The following MTMR6 variants were observed in gnomAD, a reference collection of about 807,000 sequenced individuals.
MTMR6 encodes the protein phosphatidylinositol-3,5-bisphosphate 3-phosphatase MTMR6.
Under a neutral mutation model 80.1 loss-of-function variants are expected in MTMR6, and 47 were observed. The observed-to-expected ratio is 0.59, with a 90% CI of 0.46 to 0.75. MTMR6 has a LOEUF of 0.75. Among genes scored for constraint, MTMR6 ranks in the 30% least tolerant of loss-of-function variants. The probability of loss-of-function intolerance (pLI) is 0.00; values close to 1 mark genes in which losing one functional copy is unlikely to be tolerated. For missense variants in MTMR6, 629 were observed against 730.9 expected (o/e 0.86, Z 1.61); for synonymous variants, 254 against 253.0 (o/e 1.00, Z -0.04).
intron 13 of MTMR6, among the ~76,000 whole-genome samples, chr13:25,250,108 G>A (rs1313828899): frequency 6.6e-6 from 1 of 152,088 alleles, no homozygotes; most frequent in Non-Finnish European, 1.5e-5. Context: ...TACTCAAGCA[G>A]TCATTACCTC....
intron 5 of MTMR6, among the ~76,000 whole-genome samples, chr13:25,264,965 TA>T (rs949477135): frequency 1.4e-4 from 21 of 152,014 alleles, no homozygotes; most frequent in African/African-American, 5.1e-4. Flanking sequence ...TAGTAAAGCC[TA>T]CCTTACAAAG....
chr13:25,277,929 CA>C (rs1388065796), intron 1 of MTMR6, among the ~76,000 whole-genome samples: 2 of 152,146 alleles, frequency 1.3e-5, no homozygotes, highest in Admixed American at 6.5e-5. Flanking sequence ...GTTTTATATG[CA>C]AAATAATCTG....
chr13:25,277,865 T>C (rs902905863), intron 1 of MTMR6, among the ~76,000 whole-genome samples: 2 of 152,154 alleles, frequency 1.3e-5, no homozygotes, highest in African/African-American at 4.8e-5. Flanking sequence ...GGTGGGAAAT[T>C]TGTGGTGAAA....
At chr13:25,277,772 C>A (rs139538164) in intron 1 of MTMR6, among the ~76,000 whole-genome samples, 22 of 152,230 alleles carry the variant, frequency 1.4e-4, no homozygotes, top group African/African-American at 5.3e-4. Context: ...ACTTTCAATC[C>A]TCTATCCCCA....
chr13:25,276,413 G>A lies in MTMR6; in HGVS notation c.25-2226C>T, dbSNP rs149614608. 2.4e-4 allele frequency among the ~76,000 whole-genome samples: 37 copies of A among 152,306 alleles called. No homozygotes were observed. In the East Asian group the frequency reaches 5.4e-3, roughly 22 times the overall value. ...CTGGCAAGTAGTTTAAAAGTGGGGAGGGGCTGATTTTATTACTATTTAAAT... is the reference window on the plus strand; with the variant it reads ...CTGGCAAGTAGTTTAAAAGTGGGGAAGGGCTGATTTTATTACTATTTAAAT... On this transcript the variant is annotated intron_variant, in intron 1 of 13. Coordinates refer to ENST00000381801, the MANE Select transcript of MTMR6 (RefSeq NM_004685.5).
intron 3 of MTMR6, 44 bp from the exon 4 acceptor site, chr13:25,266,330 CTT>C: frequency 6.8e-7 from 1 of 1,461,102 alleles, no homozygotes; most frequent in Non-Finnish European, 9.4e-7. Flanking sequence ...ATTTATAAGA[CTT>C]ATACACTACA....
At chr13:25,272,327 A>T (rs1957597049) in intron 2 of MTMR6, among the ~76,000 whole-genome samples, 1 of 152,240 alleles carries the variant, frequency 6.6e-6, no homozygotes, top group Admixed American at 6.5e-5. Context: ...ACTTCAACTG[A>T]AAGACATATA....
intron 2 of MTMR6, among the ~76,000 whole-genome samples, chr13:25,270,228 A>C (rs984862291): frequency 1.4e-4 from 22 of 152,186 alleles, no homozygotes; most frequent in African/African-American, 5.1e-4. Context: ...AATGATGAAG[A>C]AACCTGGTCC....
chr13:25,276,651 T>G (rs1160036747), intron 1 of MTMR6, among the ~76,000 whole-genome samples: 1 of 152,206 alleles, frequency 6.6e-6, no homozygotes, highest in African/African-American at 2.4e-5. Flanking sequence ...CTGTTCACTA[T>G]TACTCTTCCT....
chr13:25,283,367 A>G (rs1957899748), intron 1 of MTMR6, among the ~76,000 whole-genome samples: 1 of 152,216 alleles, frequency 6.6e-6, no homozygotes, highest in Admixed American at 6.5e-5. Context: ...GTATTAGTGA[A>G]AATCAAAACA....
rs772413591 is a variant in MTMR6, at chr13:25,251,917, G to A, written c.1414C>T (p.Leu472Phe). 6 of 1,609,586 alleles carry A rather than the reference G, an allele frequency of 3.7e-6. No individual in the cohort carries two copies. Among genetic ancestry groups the A allele is most frequent in the African/African-American group, 1.3e-5 (1 of 74,682 alleles). Residue 472 changes from leucine to phenylalanine, a missense_variant, in exon 12 of 14, where the codon CTC (leucine) becomes TTC (phenylalanine). Physicochemically the swap from Leu to Phe is conservative, Grantham distance 22. Coordinates refer to ENST00000381801, the MANE Select transcript of MTMR6 (RefSeq NM_004685.5). The surrounding 1 kb of genome is among the most constrained non-coding windows in gnomAD (Gnocchi z 4.1). ...LEDQKKYLNP[L>F]YSSESHRFTV... ...AATCTGTGAGATTCGGAACTGTAGA[G>A]AGGATTTAAGTACTTCTTTTGGTCT...
chr13:25,250,676 T>C (rs1469169152), intron 13 of MTMR6, among the ~76,000 whole-genome samples: 1 of 152,232 alleles, frequency 6.6e-6, no homozygotes, highest in Non-Finnish European at 1.5e-5. Flanking sequence ...TAAAGTTATA[T>C]AGTAGTTACT....
intron 1 of MTMR6, among the ~76,000 whole-genome samples, chr13:25,285,220 A>G (rs1186376781): frequency 6.6e-6 from 1 of 152,222 alleles, no homozygotes; most frequent in East Asian, 1.9e-4. Context: ...AACTCTACAA[A>G]TAAAAACAAA....
chr13:25,252,082 G>T (rs1593141091), intron 11 of MTMR6, 98 bp from the exon 12 acceptor site: 1 of 1,370,216 alleles, frequency 7.3e-7, no homozygotes. Context: ...TTCCGAAGCA[G>T]ATTTAAATTT....
chr13:25,251,376 G>C lies in MTMR6; in HGVS notation c.1605+273C>G, dbSNP rs916332682. On this transcript the variant is annotated intron_variant, in intron 13 of 13. Transcript: ENST00000381801. This position sits in a 1 kb window ranked among gnomAD's most constrained non-coding sequence, Gnocchi z 4.1. ...AAGATCTGAGGCATATATAGTAAAT[G>C]TTAAAATCCCACAAAAGCTAGCTGG... Among the ~76,000 whole-genome samples, 1 of 152,104 alleles carries C rather than the reference G, an allele frequency of 6.6e-6. No individual in the cohort carries two copies. Among genetic ancestry groups the C allele is most frequent in the Non-Finnish European group, 1.5e-5 (1 of 68,012 alleles).
intron 2 of MTMR6, among the ~76,000 whole-genome samples, chr13:25,270,147 T>C (rs1348984051): frequency 6.6e-6 from 1 of 152,180 alleles, no homozygotes; most frequent in African/African-American, 2.4e-5. Context: ...ATTTTTGGAT[T>C]GGGGATATTC....
intron 1 of MTMR6, among the ~76,000 whole-genome samples, chr13:25,283,791 G>T (rs573205528): frequency 6.6e-6 from 1 of 152,302 alleles, no homozygotes; most frequent in South Asian, 2.1e-4. Flanking sequence ...CAAAGTACTG[G>T]CAGGGAAAGG....
intron 1 of MTMR6, among the ~76,000 whole-genome samples, chr13:25,284,489 T>C (rs1472870189): frequency 6.6e-6 from 1 of 152,194 alleles, no homozygotes; most frequent in Non-Finnish European, 1.5e-5. Context: ...TATTGACATA[T>C]AGTTGCTCAA....
chr13:25,266,148 T>A lies in MTMR6; in HGVS notation c.443A>T (p.Asp148Val), dbSNP rs201602182. Residue 148 changes from aspartate (D) to valine (V), a missense_variant, in exon 4 of 14, where the codon GAT (aspartate) becomes GTT (valine). Coordinates refer to ENST00000381801, the MANE Select transcript of MTMR6 (RefSeq NM_004685.5). Reference protein sequence around the residue: ...GVPNSHWQLSDANRDYKICET... With the variant: ...GVPNSHWQLSVANRDYKICET... ...AGGTACCTTGTAGTCCCGGTTGGCA[T>A]CAGACAACTGCCAGTGTGAGTTTGG... 4.1e-5 allele frequency: 66 copies of A among 1,613,732 alleles called. No individual in the cohort carries two copies. Among genetic ancestry groups the A allele is most frequent in the Non-Finnish European group, 5.2e-5 (61 of 1,179,942 alleles).
Sources: allele counts gnomAD v4.1 joint callset (sites outside exome capture counted in the v4.1 genomes callset), GRCh38; gene constraint gnomAD v4.1.1; non-coding constraint Gnocchi (gnomAD v3.1); transcripts MANE v1.5; gene names NCBI Gene and HGNC (gene_info 2026-07-23, HGNC 2026-07-21).